The following RGS20 variants were observed in gnomAD, a reference collection of about 807,000 sequenced individuals.
RGS20 encodes the protein regulator of G protein signaling 20.
Under a neutral mutation model 33.6 loss-of-function variants are expected in RGS20, and 30 were observed. The observed-to-expected ratio is 0.89, with a 90% CI of 0.67 to 1.21. The LOEUF is 1.21. Ranked by LOEUF, RGS20 falls within the 50% of genes most tolerant of loss-of-function variation. The probability of loss-of-function intolerance (pLI) is 0.00; values close to 1 mark genes in which losing one functional copy is unlikely to be tolerated. For synonymous variants in RGS20, 208 were observed against 197.9 expected, an observed-to-expected ratio of 1.05 and a Z score of -0.43; for missense variants, 472 against 502.4, an observed-to-expected ratio of 0.94 and a Z score of 0.58.
At chr8:53,938,765 G>C (rs1326217866) in intron 2 of RGS20, among the ~76,000 whole-genome samples, 1 of 152,120 alleles carries the variant, frequency 6.6e-6, no homozygotes, top group Admixed American at 6.5e-5. Context: ...GCAATTTCTT[G>C]CTTCTCATGC....
intron 2 of RGS20, among the ~76,000 whole-genome samples, chr8:53,926,025 TAGTG>T (rs1444859271): frequency 1.3e-5 from 2 of 151,906 alleles, no homozygotes; most frequent in Non-Finnish European, 2.9e-5. Context: ...GTTTGAGACA[TAGTG>T]AGATCCCACC....
chr8:53,951,160 T>C (rs573889322), intron 4 of RGS20, among the ~76,000 whole-genome samples: 1 of 152,346 alleles, frequency 6.6e-6, no homozygotes, highest in South Asian at 2.1e-4. Flanking sequence ...TAGTTACTGA[T>C]ATTTCTAACA....
rs750111334 is a variant in RGS20 at position 53,939,606 on chromosome 8, A to G, written c.541A>G (p.Lys181Glu). The change falls in exon 3 of 6, where the codon AAG becomes GAG. Residue 181 changes from lysine to glutamate, a missense_variant. This residue lies in a region of RGS20 where 319 missense variants were observed against 283.4 expected (regional missense o/e 1.13). Coordinates refer to ENST00000297313, the MANE Select transcript of RGS20 (RefSeq NM_170587.4). ...GGGATCAGAGCGGATGGAGATGCGG[A>G]AGCGGCAGATGCCCGCCGCCCAGGA... The G allele has an allele frequency of 5.0e-6, 8 of 1,603,876 alleles. No homozygotes were observed. The African/African-American group carries it at 1.1e-4, about 21-fold the overall frequency.
At chr8:53,933,937 G>A (rs890603876) in intron 2 of RGS20, among the ~76,000 whole-genome samples, 4 of 152,178 alleles carry the variant, frequency 2.6e-5, no homozygotes, top group Admixed American at 2.6e-4. Flanking sequence ...AGCCAGAAGA[G>A]AGTGGGGTCC....
rs1196454246 is a variant in RGS20, at chr8:53,877,391, G to T, written c.166-1867G>T. On this transcript the variant is annotated intron_variant, in intron 1 of 5. Coordinates refer to ENST00000297313, the MANE Select transcript of RGS20 (RefSeq NM_170587.4). This position sits in a 1 kb window ranked among gnomAD's most constrained non-coding sequence, Gnocchi z 5.7. ...CGGCCCGCAGTCCCCCGCAGGTGCC[G>T]CCCAGGACTAGCTGCCCGGCGGAGG... Among the ~76,000 whole-genome samples the T allele has an allele frequency of 1.3e-5, 2 of 152,268 alleles. No homozygotes were observed. Among genetic ancestry groups the T allele is most frequent in the African/African-American group, 2.4e-5 (1 of 41,566 alleles).
intron 2 of RGS20, among the ~76,000 whole-genome samples, chr8:53,881,490 A>T (rs1585881953): frequency 1.3e-5 from 2 of 151,988 alleles, no homozygotes; most frequent in South Asian, 2.1e-4. Context: ...TTCTCACGGG[A>T]TAGGGAGAGG....
At chr8:53,872,988 C>T (rs2129271920) in intron 1 of RGS20, among the ~76,000 whole-genome samples, 1 of 152,160 alleles carries the variant, frequency 6.6e-6, no homozygotes, top group South Asian at 2.1e-4. Context: ...ATTGTAATCC[C>T]CAGTGTTGGA....
intron 2 of RGS20, among the ~76,000 whole-genome samples, chr8:53,930,704 C>T (rs558893530): frequency 6.6e-6 from 1 of 152,224 alleles, no homozygotes; most frequent in African/African-American, 2.4e-5. Flanking sequence ...TGCCACCACA[C>T]TCAGCTAATT....
intron 2 of RGS20, among the ~76,000 whole-genome samples, chr8:53,894,623 T>C (rs1361684699): frequency 6.6e-6 from 1 of 152,132 alleles, no homozygotes; most frequent in African/African-American, 2.4e-5. Context: ...GCAGCTGTGG[T>C]ATGAGGGGCA....
At chr8:53,880,014 T>C (rs1243496646) in intron 2 of RGS20, 1 of 183,788 alleles carries the variant, frequency 5.4e-6, no homozygotes, top group Non-Finnish European at 1.1e-5. Context: ...AGGGAGGAAA[T>C]GACGTGATGT....
intron 1 of RGS20, among the ~76,000 whole-genome samples, chr8:53,863,444 A>T (rs1361392604): frequency 6.6e-6 from 1 of 152,184 alleles, no homozygotes; most frequent in Non-Finnish European, 1.5e-5. Flanking sequence ...AAAGGCAGGG[A>T]GTAGAACAAT....
At chr8:53,929,449 G>A (rs1469215307) in intron 2 of RGS20, among the ~76,000 whole-genome samples, 1 of 152,154 alleles carries the variant, frequency 6.6e-6, no homozygotes, top group Non-Finnish European at 1.5e-5. Context: ...GGGAGGCTGA[G>A]GCGGGTGGAT....
intron 2 of RGS20, among the ~76,000 whole-genome samples, chr8:53,889,737 G>A (rs1225601353): frequency 1.3e-5 from 2 of 151,604 alleles, no homozygotes; most frequent in African/African-American, 4.8e-5. Flanking sequence ...GTGTGTGTGT[G>A]TGTGTGTGTG....
intron 2 of RGS20, among the ~76,000 whole-genome samples, chr8:53,885,595 C>G (rs559333490): frequency 5.3e-5 from 8 of 151,710 alleles, no homozygotes; most frequent in African/African-American, 1.7e-4. Flanking sequence ...GTCTGGGCGA[C>G]AGAGGGAGAC....
At chr8:53,957,310 T>C (rs940976329) in intron 5 of RGS20, among the ~76,000 whole-genome samples, 17 of 152,206 alleles carry the variant, frequency 1.1e-4, no homozygotes, top group African/African-American at 3.9e-4. Context: ...TTATTTTTAG[T>C]AGAGATGGGG....
intron 3 of RGS20, among the ~76,000 whole-genome samples, chr8:53,942,326 C>T (rs746590118): frequency 6.9e-4 from 105 of 151,898 alleles, no homozygotes; most frequent in Admixed American, 2.2e-3. Flanking sequence ...GGCATGGTGG[C>T]GCACACCTGT....
intron 2 of RGS20, among the ~76,000 whole-genome samples, chr8:53,912,448 C>T (rs190568661): frequency 4.4e-4 from 67 of 151,782 alleles, no homozygotes; most frequent in African/African-American, 1.3e-3. Flanking sequence ...GATTTCCTGC[C>T]ACATAAATTT....
At position 53,958,378 on chromosome 8, in the gene RGS20, G is replaced by C; in HGVS notation, c.1087G>C (p.Asp363His). ...TCAGATTTACACCCTGATGCACAGAGACTCATATCCTCGATTCATGAACTC... is the reference window on the plus strand; with the variant it reads ...TCAGATTTACACCCTGATGCACAGACACTCATATCCTCGATTCATGAACTC... Residue 363 changes from aspartate (D) to histidine (H), a missense_variant, in exon 6 of 6, where the codon GAC (aspartate) becomes CAC (histidine). By Grantham distance (81) the Asp-to-His change is moderately conservative (BLOSUM62 -1). Coordinates refer to ENST00000297313, the MANE Select transcript of RGS20 (RefSeq NM_170587.4). 1 of 1,613,750 alleles carries C rather than the reference G, an allele frequency of 6.2e-7. No homozygotes were observed.
chr8:53,959,219 A>C lies in RGS20; in HGVS notation c.*761A>C. 6.6e-6 allele frequency: 1 copy of C among 152,272 alleles called. No individual in the cohort carries two copies. The highest frequency in any genetic ancestry group is 1.5e-5 in the Non-Finnish European group (1 of 68,028). The allele number at this position is 152,272 out of a possible 1,614,324, so 9.4% of individuals were successfully genotyped here. On this transcript the variant is annotated 3_prime_UTR_variant, in exon 6 of 6. Transcript: ENST00000297313. Reference sequence around the variant, plus strand: ...GTCATGTTCACAACAAAACTGTCAAATAAGCATATTTCCATTTTTATTACT... The same window carrying C: ...GTCATGTTCACAACAAAACTGTCAACTAAGCATATTTCCATTTTTATTACT...
Sources: allele counts gnomAD v4.1 joint callset (sites outside exome capture counted in the v4.1 genomes callset), GRCh38; gene constraint gnomAD v4.1.1; regional missense constraint gnomAD v4.1.1; non-coding constraint Gnocchi (gnomAD v3.1); transcripts MANE v1.5; gene names NCBI Gene and HGNC (gene_info 2026-07-23, HGNC 2026-07-21).